IGSF3: variants seen among roughly 807,000 people sequenced by gnomAD.
IGSF3 encodes the protein glu-Trp-Ile EWI motif-containing protein 3.
In IGSF3, 23 loss-of-function variants were observed where a neutral mutation model predicts 114.4. The ratio of observed to expected loss-of-function variants is 0.20; its 90% CI spans 0.14 to 0.28. The LOEUF is 0.28. Among genes scored for constraint, IGSF3 ranks in the 10% least tolerant of loss-of-function variants. The probability of loss-of-function intolerance (pLI) is 1.00; values close to 1 mark genes in which losing one functional copy is unlikely to be tolerated. For missense variants in IGSF3, 1,172 were observed against 1,591.5 expected (o/e 0.74, Z 4.48); for synonymous variants, 571 against 645.2 (o/e 0.88, Z 1.74).
In IGSF3 at chr1:116,610,723, G is replaced by A. The variant is rs1359370165; in HGVS notation, c.833-2392C>T. Among the ~76,000 whole-genome samples the A allele has an allele frequency of 6.6e-6, 1 of 152,168 alleles. No individual in the cohort carries two copies. Among genetic ancestry groups the A allele is most frequent in the Middle Eastern group, 3.4e-3 (1 of 294 alleles). On this transcript the variant is annotated intron_variant, in intron 4 of 10. Coordinates refer to ENST00000369486, the MANE Select transcript of IGSF3 (RefSeq NM_001007237.3). The surrounding 1 kb of genome is among the most constrained non-coding windows in gnomAD (Gnocchi z 4.3). ...GCTTCTCTGGTCACCTCTTACTGCTGCTGTTCTCCCAGGTCCTTTCCCATT... is the reference window on the plus strand; with the variant it reads ...GCTTCTCTGGTCACCTCTTACTGCTACTGTTCTCCCAGGTCCTTTCCCATT...
rs1253698545 is a variant in IGSF3, at chr1:116,632,441, A to G, written c.44-15984T>C. On this transcript the variant is annotated intron_variant, in intron 2 of 10. Transcript: ENST00000369486. The surrounding 1 kb of genome is among the most constrained non-coding windows in gnomAD (Gnocchi z 5.1). ...CCCCAGGACTCAAGCAGCATCTGAG[A>G]AGCCACTTTCAACATAACTATGGAA... Among the ~76,000 whole-genome samples, 1 of 152,204 alleles carries G rather than the reference A, an allele frequency of 6.6e-6. No individual in the cohort carries two copies. The highest frequency in any genetic ancestry group is 1.5e-5 in the Non-Finnish European group (1 of 68,042).
At chr1:116,626,754 C>A (rs1277156193) in intron 2 of IGSF3, among the ~76,000 whole-genome samples, 1 of 152,150 alleles carries the variant, frequency 6.6e-6, no homozygotes. Flanking sequence ...TCCTCCACTC[C>A]TCCCAGAAAA....
intron 2 of IGSF3, among the ~76,000 whole-genome samples, chr1:116,619,828 G>A (rs532527814): frequency 8.9e-4 from 136 of 151,972 alleles, no homozygotes; most frequent in African/African-American, 3.2e-3. Context: ...GGATTACTCT[G>A]CAATAAGCAA....
intron 10 of IGSF3, among the ~76,000 whole-genome samples, chr1:116,578,083 C>T (rs1045513392): frequency 2.0e-5 from 3 of 152,190 alleles, no homozygotes; most frequent in African/African-American, 7.2e-5. Flanking sequence ...TACAAACGTC[C>T]ACAGTGTGTC....
chr1:116,645,865 G>C (rs929778328), intron 2 of IGSF3, among the ~76,000 whole-genome samples: 1 of 152,254 alleles, frequency 6.6e-6, no homozygotes, highest in African/African-American at 2.4e-5. Context: ...GGGAGAACCA[G>C]GACAGCGGCT....
In IGSF3 at chr1:116,642,523, G is replaced by A. The variant is rs992585540; in HGVS notation, c.43+23761C>T. Among the ~76,000 whole-genome samples, 4 of 152,166 alleles carry A rather than the reference G, an allele frequency of 2.6e-5. No homozygotes were observed. Among genetic ancestry groups the A allele is most frequent in the Non-Finnish European group, 5.9e-5 (4 of 68,026 alleles). On this transcript the variant is annotated intron_variant, in intron 2 of 10. Coordinates refer to ENST00000369486, the MANE Select transcript of IGSF3 (RefSeq NM_001007237.3). The surrounding 1 kb of genome is among the most constrained non-coding windows in gnomAD (Gnocchi z 5.4). ...ATGAAAGAAACAAACAGTGGGACTC[G>A]GGCCAGAGCAAAATTTGGCCTAGAA...
At position 116,617,648 on chromosome 1, in the gene IGSF3, T is replaced by C. The variant is rs189773050; in HGVS notation, c.44-1191A>G. ...TTAACCTCTCTAAGCCTTGGTTTTC[T>C]CATCAGTAAGATGGGGATAATAATG... is the stretch of plus-strand genomic sequence containing the variant. On this transcript the variant is annotated intron_variant, in intron 2 of 10. Transcript: ENST00000369486. Among the ~76,000 whole-genome samples the C allele has an allele frequency of 3.3e-4, 50 of 152,356 alleles. 1 individual carries two copies. In the East Asian group the frequency reaches 9.2e-3, roughly 28 times the overall value.
In IGSF3 at chr1:116,600,225, C is replaced by T; in HGVS notation, c.1745G>A (p.Trp582Ter). The change falls in exon 7 of 11, where the codon TGG becomes TAG. Residue 582 changes from tryptophan (W) to a stop codon, truncating the protein, a stop_gained. Transcript: ENST00000369486. LOFTEE classifies it high-confidence loss of function. This position sits in a 1 kb window ranked among gnomAD's most constrained non-coding sequence, Gnocchi z 5.5. The part of the protein sequence containing the change: ...YPAWVPVSVT[W>*]RFQPVGTVEF... ...CACCGTGCCCACCGGCTGGAACCGC[C>T]ATGTCACCGACACGGGGACCCAGGC... is the stretch of plus-strand genomic sequence containing the variant. 1 of 1,614,240 alleles carries T rather than the reference C, an allele frequency of 6.2e-7. No homozygotes were observed. Among genetic ancestry groups the T allele is most frequent in the Non-Finnish European group, 8.5e-7 (1 of 1,180,054 alleles).
rs201001211 is a variant in IGSF3, at chr1:116,588,776, C to T, written c.2358G>A (p.Glu786=). The part of the protein sequence containing the change: ...DSGSYYCHVE[E]WLLSPNYAWY... ...AGGCGTAGTTGGGGCTCAGCAGCCA[C>T]TCCTCCACGTGGCAGTAGTAGCTGC... Residue 786 remains glutamate (E), a synonymous_variant, in exon 8 of 11, where the codon GAG becomes GAA. Coordinates refer to ENST00000369486, the MANE Select transcript of IGSF3 (RefSeq NM_001007237.3). This position sits in a 1 kb window ranked among gnomAD's most constrained non-coding sequence, Gnocchi z 4.9. 3.7e-6 allele frequency: 6 copies of T among 1,614,212 alleles called. No homozygotes were observed. Among genetic ancestry groups the T allele is most frequent in the Admixed American group, 1.7e-5 (1 of 60,024 alleles).
rs1438020925 is a variant in IGSF3, at chr1:116,654,952, C to T, written c.43+11332G>A. The stretch of plus-strand genomic sequence containing the variant: ...AGATACCCCCTCTTCCTGGTGGCAC[C>T]GGGCATTGGTAACTCATGGCTGTAA... On this transcript the variant is annotated intron_variant, in intron 2 of 10. Coordinates refer to ENST00000369486, the MANE Select transcript of IGSF3 (RefSeq NM_001007237.3). The surrounding 1 kb of genome is among the most constrained non-coding windows in gnomAD (Gnocchi z 4.4). Among the ~76,000 whole-genome samples the T allele has an allele frequency of 1.3e-5, 2 of 152,088 alleles. No homozygotes were observed. Among genetic ancestry groups the T allele is most frequent in the Middle Eastern group, 3.2e-3 (1 of 316 alleles).
intron 7 of IGSF3, among the ~76,000 whole-genome samples, chr1:116,591,687 T>A (rs1387057637): frequency 6.6e-6 from 1 of 152,066 alleles, no homozygotes; most frequent in Admixed American, 6.5e-5. Flanking sequence ...TCCTCCCACA[T>A]CTCCAGGGCA....
chr1:116,606,703 AAG>A (rs1236321329), intron 5 of IGSF3: 1 of 604,710 alleles, frequency 1.7e-6, no homozygotes, highest in Non-Finnish European at 3.0e-6. Context: ...GCAGATTTAA[AAG>A]TAGAGTCCGT....
intron 2 of IGSF3, among the ~76,000 whole-genome samples, chr1:116,620,458 G>C (rs150085503): frequency 0.034 from 5,115 of 152,238 alleles, 250 homozygotes; most frequent in African/African-American, 0.1. Context: ...CCAGGAGAGG[G>C]CATGGGCAGT....
intron 9 of IGSF3, among the ~76,000 whole-genome samples, chr1:116,580,347 T>C (rs1259910124): frequency 2.0e-5 from 3 of 152,224 alleles, no homozygotes; most frequent in Non-Finnish European, 4.4e-5. Context: ...TCTTGCTGGA[T>C]TGGGGTGGGC....
At chr1:116,641,355 G>T (rs561246785) in intron 2 of IGSF3, among the ~76,000 whole-genome samples, 91 of 151,920 alleles carry the variant, frequency 6.0e-4, no homozygotes, top group Non-Finnish European at 1.1e-3. Flanking sequence ...AATTAGCCGG[G>T]TATGGTGGCG....
At chr1:116,613,159 A>G (rs1318443710) in intron 4 of IGSF3, among the ~76,000 whole-genome samples, 4 of 152,246 alleles carry the variant, frequency 2.6e-5, no homozygotes, top group African/African-American at 9.6e-5. Flanking sequence ...CCTGCAAAAT[A>G]GGAGTACTAC....
rs1557852595 is a variant in IGSF3 at position 116,579,380 on chromosome 1, T to C, written c.3334+12A>G. ...AACAGTGACATCCTCCCTCTGTACT[T>C]GGGAAACTCACTTGTATCTAGAACA... On this transcript the variant is annotated intron_variant, in intron 10 of 10. Transcript: ENST00000369486. The surrounding 1 kb of genome is among the most constrained non-coding windows in gnomAD (Gnocchi z 6.4). 1.9e-6 allele frequency: 3 copies of C among 1,540,774 alleles called. No homozygotes were observed. In the South Asian group the frequency reaches 3.8e-5, roughly 20 times the overall value.
In IGSF3 at chr1:116,664,983, C is replaced by T. The variant is rs1557890866; in HGVS notation, c.43+1301G>A. Among the ~76,000 whole-genome samples, 1 of 152,238 alleles carries T rather than the reference C, an allele frequency of 6.6e-6. No individual in the cohort carries two copies. The highest frequency in any genetic ancestry group is 2.4e-5 in the African/African-American group (1 of 41,454). On this transcript the variant is annotated intron_variant, in intron 2 of 10. Transcript: ENST00000369486. The surrounding 1 kb of genome is among the most constrained non-coding windows in gnomAD (Gnocchi z 4.6). ...TTAAAAGCTTCCCCAGTGATTCCAACATGCACACGAGAGTTTGAGAACCAC... is the reference window on the plus strand; with the variant it reads ...TTAAAAGCTTCCCCAGTGATTCCAATATGCACACGAGAGTTTGAGAACCAC...
chr1:116,606,202 G>C (rs1331655678), intron 5 of IGSF3, among the ~76,000 whole-genome samples: 3 of 152,248 alleles, frequency 2.0e-5, no homozygotes, highest in Non-Finnish European at 4.4e-5. Flanking sequence ...GTGTAGCACA[G>C]GCTAAGCGCA....
Sources: allele counts gnomAD v4.1 joint callset (sites outside exome capture counted in the v4.1 genomes callset), GRCh38; gene constraint gnomAD v4.1.1; non-coding constraint Gnocchi (gnomAD v3.1); transcripts MANE v1.5; gene names NCBI Gene and HGNC (gene_info 2026-07-23, HGNC 2026-07-21).